ATRIP: variants seen among roughly 807,000 people sequenced by gnomAD.
ATRIP encodes ATR-interacting protein.
ATRIP carries 44 observed loss-of-function variants against 78.1 expected under a neutral mutation model. That is an observed-to-expected ratio of 0.56 (90% confidence interval 0.44 to 0.72). The LOEUF is 0.72. ATRIP is among the 30% of genes least tolerant of loss of function. ATRIP has a pLI of 0.00. For missense variants in ATRIP, 927 were observed against 980.2 expected, an observed-to-expected ratio of 0.95 and a Z score of 0.72; for synonymous variants, 388 against 408.9, an observed-to-expected ratio of 0.95 and a Z score of 0.62.
chr3:48,467,281 A>G lies in ATRIP; in HGVS notation c.*1727A>G. 2 of 1,614,138 alleles carry G rather than the reference A, an allele frequency of 1.2e-6. No homozygotes were observed. The highest frequency in any genetic ancestry group is 8.5e-7 in the Non-Finnish European group (1 of 1,180,024). ...GTCCTGGCCCTGCTCAGCATCTGTC[A>G]GTGGAGACCACAGGCCCTGCTGCGG... On this transcript the variant is annotated 3_prime_UTR_variant, in exon 13 of 13. Transcript: ENST00000320211.
chr3:48,466,753 A>T lies in ATRIP; in HGVS notation c.*1199A>T. On this transcript the variant is annotated 3_prime_UTR_variant, in exon 13 of 13. Transcript: ENST00000320211. Reference sequence around the variant, plus strand: ...CCCTTCTCCCAGCCCAAGGTCACGGAGCTGTGCCTGCTGGCTGTCCACAGA... The same window carrying T: ...CCCTTCTCCCAGCCCAAGGTCACGGTGCTGTGCCTGCTGGCTGTCCACAGA... 6.2e-7 allele frequency: 1 copy of T among 1,613,846 alleles called. No homozygotes were observed. Among genetic ancestry groups the T allele is most frequent in the Non-Finnish European group, 8.5e-7 (1 of 1,180,004 alleles).
At chr3:48,455,078 G>A (rs575630021) in intron 4 of ATRIP, among the ~76,000 whole-genome samples, 102 of 152,138 alleles carry the variant, frequency 6.7e-4, no homozygotes, top group South Asian at 4.4e-3. Context: ...GGCCAGGCTC[G>A]TCTCAAACTC....
chr3:48,459,249 A>G, intron 5 of ATRIP, 110 bp from the exon 6 acceptor site: 1 of 871,526 alleles, frequency 1.1e-6, no homozygotes, highest in Non-Finnish European at 1.8e-6. Context: ...TGTTTGTTCC[A>G]AGTTCGAAGA....
At position 48,466,659 on chromosome 3, in the gene ATRIP, G is replaced by A. The variant is rs2040318477; in HGVS notation, c.*1105G>A. On this transcript the variant is annotated 3_prime_UTR_variant, in exon 13 of 13. Transcript: ENST00000320211. ...AGCAGCAGGTACGTACCCAACCATG[G>A]GCTCGCAGGCCCTGCCCCCGGGGCC... 1 of 1,613,884 alleles carries A rather than the reference G, an allele frequency of 6.2e-7. No individual in the cohort carries two copies. Among genetic ancestry groups the A allele is most frequent in the Admixed American group, 1.7e-5 (1 of 59,998 alleles).
chr3:48,463,583 G>GT (rs927537158), intron 8 of ATRIP, among the ~76,000 whole-genome samples, 162 bp from the exon 9 acceptor site: 3 of 152,116 alleles, frequency 2.0e-5, no homozygotes, highest in African/African-American at 7.2e-5. Context: ...TTCATAGCAA[G>GT]TAAGTAGGGG....
rs759962919 is a variant in ATRIP, at chr3:48,467,401, C to T, written c.*1847C>T. 1.2e-6 allele frequency: 2 copies of T among 1,614,218 alleles called. No homozygotes were observed. Among genetic ancestry groups the T allele is most frequent in the Admixed American group, 1.7e-5 (1 of 60,030 alleles). ...ACCAAGCCAAGACCATCTGCTGTCA[C>T]AACCACTGCACACCTGGCCACAACC... On this transcript the variant is annotated 3_prime_UTR_variant, in exon 13 of 13. Coordinates refer to ENST00000320211, the MANE Select transcript of ATRIP (RefSeq NM_130384.3).
rs550209443 is a variant in ATRIP, at chr3:48,460,127, C to T, written c.1073C>T (p.Ser358Leu). ...GTTGCCAGTACCTTGGCTGGAATGT[C>T]AGGCCTCAGGACCACAGGTTCTTAT... ...PGFGSTLAGM[S>L]GLRTTGSYDG... The change falls in exon 8 of 13, where the codon TCA becomes TTA. Residue 358 changes from serine to leucine, a missense_variant. By Grantham distance (145) the Ser-to-Leu change is moderately radical. Transcript: ENST00000320211. 108 of 1,611,150 alleles carry T rather than the reference C, an allele frequency of 6.7e-5. No homozygotes were observed. The South Asian group carries it at 1.0e-3, about 15-fold the overall frequency.
chr3:48,463,637 T>A, intron 8 of ATRIP, 108 bp from the exon 9 acceptor site: 1 of 1,453,356 alleles, frequency 6.9e-7, no homozygotes, highest in Non-Finnish European at 9.3e-7. Context: ...CCAACTCACC[T>A]GTTCATACTG....
chr3:48,466,450 C>A lies in ATRIP; in HGVS notation c.*896C>A, dbSNP rs780316361. 6.2e-6 allele frequency: 10 copies of A among 1,613,456 alleles called. No individual in the cohort carries two copies. The South Asian group carries it at 1.1e-4, about 18-fold the overall frequency. On this transcript the variant is annotated 3_prime_UTR_variant, in exon 13 of 13. Coordinates refer to ENST00000320211, the MANE Select transcript of ATRIP (RefSeq NM_130384.3). ...CAGACAGTCGAATGTGCTGGTCCCA[C>A]TAAGGAAACCACCTCACCCTCTCCA...
intron 8 of ATRIP, among the ~76,000 whole-genome samples, chr3:48,463,210 C>T (rs1451056055): frequency 6.6e-6 from 1 of 152,154 alleles, no homozygotes; most frequent in Non-Finnish European, 1.5e-5. Flanking sequence ...GGGCAGTATG[C>T]CCAGAACCCC....
In ATRIP at chr3:48,466,582, G is replaced by T. The variant is rs367854994; in HGVS notation, c.*1028G>T. The T allele has an allele frequency of 1.5e-5, 24 of 1,613,430 alleles. No homozygotes were observed. In the South Asian group the frequency reaches 2.6e-4, roughly 18 times the overall value. ...CCCCCTACCCCACTCCCTCCCCTTC[G>T]GATCTTAACACTGGGCACTCACACA... On this transcript the variant is annotated 3_prime_UTR_variant, in exon 13 of 13. Coordinates refer to ENST00000320211, the MANE Select transcript of ATRIP (RefSeq NM_130384.3).
chr3:48,457,055 T>G lies in ATRIP; in HGVS notation c.672-204T>G, dbSNP rs929356120. Among the ~76,000 whole-genome samples, 7 of 152,166 alleles carry G rather than the reference T, an allele frequency of 4.6e-5. No homozygotes were observed. The East Asian group carries it at 1.3e-3, about 29-fold the overall frequency. ...CCATCTCTATAGAGAAATTAAAATTTTAAAATATTTTTAAAAAGAAAAACA... is the reference window on the plus strand; with the variant it reads ...CCATCTCTATAGAGAAATTAAAATTGTAAAATATTTTTAAAAAGAAAAACA... On this transcript the variant is annotated intron_variant, in intron 4 of 12. Transcript: ENST00000320211.
intron 1 of ATRIP, among the ~76,000 whole-genome samples, chr3:48,448,744 C>G (rs1445254706): frequency 6.6e-6 from 1 of 152,268 alleles, no homozygotes; most frequent in East Asian, 1.9e-4. Flanking sequence ...CTTCAGCTCT[C>G]AGCTCCTTCA....
At chr3:48,465,453 G>A in intron 12 of ATRIP, 34 bp from the exon 13 acceptor site, 1 of 1,604,300 alleles carries the variant, frequency 6.2e-7, no homozygotes, top group Non-Finnish European at 8.5e-7. Context: ...GGCACCTTTG[G>A]GCCCTCACCA....
intron 4 of ATRIP, among the ~76,000 whole-genome samples, chr3:48,456,277 A>C (rs2039952486): frequency 6.6e-6 from 1 of 151,780 alleles, no homozygotes; most frequent in Non-Finnish European, 1.5e-5. Flanking sequence ...CCCCATTGCT[A>C]CTTAAAAAAA....
intron 1 of ATRIP, 127 bp downstream of exon 1, chr3:48,447,219 C>T (rs1471293920): frequency 2.4e-6 from 3 of 1,272,276 alleles, no homozygotes; most frequent in Non-Finnish European, 3.0e-6. Flanking sequence ...TGGGAACACC[C>T]TGATTTAAGC....
Position 48,460,404 on chromosome 3 carries a change from G to A in ATRIP, c.1350G>A (p.Pro450=), listed in dbSNP as rs752165139. 9.3e-6 allele frequency: 15 copies of A among 1,613,296 alleles called. No homozygotes were observed. The highest frequency in any genetic ancestry group is 1.7e-5 in the Admixed American group (1 of 59,916). Residue 450 remains proline (P), a synonymous_variant, in exon 8 of 13, where the codon CCG becomes CCA. Coordinates refer to ENST00000320211, the MANE Select transcript of ATRIP (RefSeq NM_130384.3). ...GAAGCGGAGCACCTGGGGACTCACC[G>A]ACACATTCCTCCTGCGTGAGCTCTG... ...AKRSGAPGDS[P]THSSCVSSGV... is the part of the protein sequence containing the mutation.
rs3135944 is a variant in ATRIP, at chr3:48,467,117, T to C, written c.*1563T>C. 1.0e-3 allele frequency: 1,671 copies of C among 1,613,886 alleles called. 16 individuals are homozygous for C. In the African/African-American group the frequency reaches 0.02, roughly 19 times the overall value. ...CTCTGGATGGTGCCTTCTGTGTGGA[T>C]AGCATCACTGCGCTGAAGGCCCTGG... On this transcript the variant is annotated 3_prime_UTR_variant, in exon 13 of 13. Transcript: ENST00000320211.
intron 10 of ATRIP, 133 bp downstream of exon 10, chr3:48,464,265 A>G (rs544414356): frequency 1.2e-6 from 1 of 851,064 alleles, no homozygotes; most frequent in South Asian, 1.6e-5. Context: ...AAGCAACTAA[A>G]GAGGTAAACT....
Sources: gnomAD v4.1 joint callset for allele counts (sites outside exome capture counted in the v4.1 genomes callset) on GRCh38, gnomAD v4.1.1 for gene constraint, MANE v1.5 for transcripts, NCBI Gene and HGNC (gene_info 2026-07-23, HGNC 2026-07-21) for gene names.